CCDC62: variants seen among roughly 807,000 people sequenced by gnomAD.
CCDC62 encodes the protein coiled-coil domain-containing protein 62.
In CCDC62, 72 loss-of-function variants were observed where a neutral mutation model predicts 80.8. The ratio of observed to expected loss-of-function variants is 0.89; its 90% CI spans 0.74 to 1.08. The LOEUF (loss-of-function observed/expected upper bound fraction) is 1.08. CCDC62 is among the 50% of genes least tolerant of loss of function. The pLI, the probability that CCDC62 is intolerant of heterozygous loss-of-function variation, is 0.00. For synonymous variants in CCDC62, 286 were observed against 296.5 expected (o/e 0.96, Z 0.36); for missense variants, 704 against 809.4 (o/e 0.87, Z 1.58).
At chr12:122,792,682 C>A (rs2135546876) in intron 6 of CCDC62, among the ~76,000 whole-genome samples, 1 of 152,172 alleles carries the variant, frequency 6.6e-6, no homozygotes, top group East Asian at 1.9e-4. Context: ...CCATGCCCGG[C>A]TAATTTTTAT....
chr12:122,778,310 C>T (rs1353239636), intron 2 of CCDC62, among the ~76,000 whole-genome samples: 2 of 149,832 alleles, frequency 1.3e-5, no homozygotes, highest in African/African-American at 2.5e-5. Flanking sequence ...GCCAAGATTG[C>T]GCCACTGCAC....
chr12:122,795,525 G>A (rs1265743420), intron 6 of CCDC62, among the ~76,000 whole-genome samples: 3 of 152,030 alleles, frequency 2.0e-5, no homozygotes, highest in African/African-American at 4.8e-5. Context: ...CTGGGTTCAT[G>A]CCATTCTCCT....
chr12:122,797,728 G>C (rs12315520), intron 7 of CCDC62, among the ~76,000 whole-genome samples: 6,571 of 151,904 alleles, frequency 0.043, 265 homozygotes, highest in East Asian at 0.24. Context: ...TTTTAGTAGA[G>C]ACAGGGTTTT....
At chr12:122,810,555 C>CTTTTACGCT (rs1555257574) in intron 10 of CCDC62, among the ~76,000 whole-genome samples, 1 of 151,310 alleles carries the variant, frequency 6.6e-6, no homozygotes, top group East Asian at 1.9e-4. Context: ...AATAGAAACA[C>CTTTTACGCT]TTTTACACTG....
chr12:122,774,775 C>G, intron 1 of CCDC62, 69 bp downstream of exon 1: 5 of 1,143,622 alleles, frequency 4.4e-6, no homozygotes, highest in Non-Finnish European at 5.6e-6. Context: ...TCTATTGCTT[C>G]TCAAGAACGG....
At chr12:122,815,937 G>A (rs948104794) in intron 11 of CCDC62, among the ~76,000 whole-genome samples, 3 of 152,110 alleles carry the variant, frequency 2.0e-5, no homozygotes, top group Non-Finnish European at 2.9e-5. Context: ...CTTATTTCAC[G>A]AAATGCTCTC....
At position 122,801,138 on chromosome 12, in the gene CCDC62, T is replaced by A; in HGVS notation, c.992T>A (p.Leu331Ter). ...TGCCACCATAGCAGAGACATGTGTTTATCAGACCTTGAAAATAACCACCCA... is the reference window on the plus strand; with the variant it reads ...TGCCACCATAGCAGAGACATGTGTTAATCAGACCTTGAAAATAACCACCCA... ...KALDSSRDMC[L>*]SDLENNHPKV... Residue 331 changes from leucine (L) to a stop codon, truncating the protein, a stop_gained, in exon 9 of 13, where the codon TTA (leucine) becomes TAA (stop). Coordinates refer to ENST00000253079, the MANE Select transcript of CCDC62 (RefSeq NM_201435.5). LOFTEE classifies it high-confidence loss of function. 1.2e-6 allele frequency: 2 copies of A among 1,612,096 alleles called. No individual in the cohort carries two copies. The highest frequency in any genetic ancestry group is 1.7e-6 in the Non-Finnish European group (2 of 1,179,466).
rs2031028042 is a variant in CCDC62, at chr12:122,797,393, C to T, written c.859C>T (p.Gln287Ter). 1 of 1,541,932 alleles carries T rather than the reference C, an allele frequency of 6.5e-7. No individual in the cohort carries two copies. The highest frequency in any genetic ancestry group is 9.0e-7 in the Non-Finnish European group (1 of 1,115,148). The change falls in exon 7 of 13, where the codon CAG becomes TAG. Residue 287 changes from glutamine to a stop codon, truncating the protein, a stop_gained and splice_region_variant. Coordinates refer to ENST00000253079, the MANE Select transcript of CCDC62 (RefSeq NM_201435.5). LOFTEE classifies it high-confidence loss of function. ...AAATTCAGAACTGCACAATCTGAGA[C>T]AGGTATGTCCCCAATCATCCTTCTC... ...RTNSELHNLR[Q>*]IYVKQQSDLQ... is the part of the protein sequence containing the mutation.
At chr12:122,824,651 A>G (rs1481497188) in intron 12 of CCDC62, among the ~76,000 whole-genome samples, 20 of 152,342 alleles carry the variant, frequency 1.3e-4, no homozygotes, top group Admixed American at 1.3e-3. Context: ...TGATCCAATA[A>G]TCCCACTACT....
chr12:122,791,651 G>A (rs1289037771), intron 5 of CCDC62, among the ~76,000 whole-genome samples: 1 of 152,156 alleles, frequency 6.6e-6, no homozygotes, highest in Non-Finnish European at 1.5e-5. Context: ...GTTTCACCAT[G>A]TTGGCCAGGC....
chr12:122,801,883 C>T (rs770532235), intron 9 of CCDC62, 31 bp downstream of exon 9: 49 of 1,596,606 alleles, frequency 3.1e-5, no homozygotes, highest in Non-Finnish European at 3.9e-5. Context: ...TAAACACCCA[C>T]GGAGCATGCA....
chr12:122,775,369 C>G (rs959434240), intron 1 of CCDC62, among the ~76,000 whole-genome samples: 1 of 152,120 alleles, frequency 6.6e-6, no homozygotes, highest in Non-Finnish European at 1.5e-5. Flanking sequence ...GCCCAAGGTT[C>G]GCGTCCATCA....
chr12:122,790,661 A>C (rs190367780), intron 5 of CCDC62, among the ~76,000 whole-genome samples: 1 of 152,240 alleles, frequency 6.6e-6, no homozygotes, highest in East Asian at 1.9e-4. Flanking sequence ...GCCTCAAAAA[A>C]ATAAAAAAAA....
chr12:122,814,341 T>C (rs1241012857), intron 11 of CCDC62, among the ~76,000 whole-genome samples: 2 of 148,886 alleles, frequency 1.3e-5, no homozygotes, highest in African/African-American at 5.0e-5. Flanking sequence ...AAATATGCAC[T>C]GAAGTGGAAA....
At chr12:122,823,305 G>A (rs1032358978) in intron 11 of CCDC62, 61 bp from the exon 12 acceptor site, 3 of 1,238,352 alleles carry the variant, frequency 2.4e-6, no homozygotes, top group Non-Finnish European at 3.6e-6. Flanking sequence ...TTTGTGTTTA[G>A]TCTTCTTAAG....
At position 122,827,442 on chromosome 12, in the gene CCDC62, C is replaced by G. The variant is rs2032677823; in HGVS notation, c.*1061C>G. The G allele has an allele frequency of 6.6e-6, 1 of 152,106 alleles. No homozygotes were observed. The highest frequency in any genetic ancestry group is 1.5e-5 in the Non-Finnish European group (1 of 68,026). 9.4% of individuals were successfully genotyped at this position (152,106 alleles called of 1,614,324 possible). On this transcript the variant is annotated 3_prime_UTR_variant, in exon 13 of 13. Transcript: ENST00000253079. ...GCGGGGAAGAGCCACCTCATTTAGC[C>G]TTTTTAATTAGGGTGCTGAAAAGAG...
intron 12 of CCDC62, among the ~76,000 whole-genome samples, 174 bp from the exon 13 acceptor site, chr12:122,826,248 C>T (rs1339550036): frequency 6.6e-6 from 1 of 151,990 alleles, no homozygotes; most frequent in Non-Finnish European, 1.5e-5. Flanking sequence ...ATCCCTCCTC[C>T]TCTCCCCTCC....
chr12:122,776,036 T>C (rs1879432721), intron 1 of CCDC62, among the ~76,000 whole-genome samples: 1 of 152,240 alleles, frequency 6.6e-6, no homozygotes, highest in South Asian at 2.1e-4. Context: ...CACTTTTAGT[T>C]GTTTATTTCA....
intron 1 of CCDC62, among the ~76,000 whole-genome samples, chr12:122,775,945 T>C (rs1879424311): frequency 6.6e-6 from 1 of 152,230 alleles, no homozygotes; most frequent in South Asian, 2.1e-4. Flanking sequence ...AATCTTACTT[T>C]TCAAAAAGCA....
Sources: gnomAD v4.1 joint callset for allele counts (sites outside exome capture counted in the v4.1 genomes callset) on GRCh38, gnomAD v4.1.1 for gene constraint, MANE v1.5 for transcripts, NCBI Gene and HGNC (gene_info 2026-07-23, HGNC 2026-07-21) for gene names.